GALNT7: variants seen among roughly 807,000 people sequenced by gnomAD.
The protein encoded by GALNT7 is polypeptide N-acetylgalactosaminyltransferase 7.
GALNT7 carries 60 observed loss-of-function variants against 82.1 expected under a neutral mutation model. That is an observed-to-expected ratio of 0.73 (90% CI 0.59 to 0.91). The LOEUF (loss-of-function observed/expected upper bound fraction) is 0.91, where lower values mean the gene tolerates loss of function less well. Ranked by LOEUF, GALNT7 falls within the 40% of genes least tolerant of loss-of-function variation. The pLI is 0.00. For missense variants in GALNT7, 660 were observed against 804.2 expected (o/e 0.82, Z 2.17); for synonymous variants, 243 against 275.1 (o/e 0.88, Z 1.15).
chr4:173,279,894 G>A (rs980680426), intron 2 of GALNT7, among the ~76,000 whole-genome samples: 1 of 152,030 alleles, frequency 6.6e-6, no homozygotes, highest in African/African-American at 2.4e-5. Context: ...AGAATCACTT[G>A]AACCCGGGTG....
rs570551666 is a variant in GALNT7, at chr4:173,208,720, C to G, written c.127-39260C>G. On this transcript the variant is annotated intron_variant, in intron 1 of 11. Coordinates refer to ENST00000265000, the MANE Select transcript of GALNT7 (RefSeq NM_017423.3). ...TTACAAGTTATCCTCCTTGTACCTCCGTCTTTTTATTTAAATGGTTCTCTA... is the reference window on the plus strand; with the variant it reads ...TTACAAGTTATCCTCCTTGTACCTCGGTCTTTTTATTTAAATGGTTCTCTA... Among the ~76,000 whole-genome samples, 115 of 152,224 alleles carry G rather than the reference C, an allele frequency of 7.6e-4. 1 individual carries two copies. Among genetic ancestry groups the G allele is most frequent in the African/African-American group, 2.7e-3 (111 of 41,526 alleles).
intron 1 of GALNT7, among the ~76,000 whole-genome samples, chr4:173,174,812 A>C (rs1334897254): frequency 1.3e-5 from 2 of 152,206 alleles, no homozygotes; most frequent in Non-Finnish European, 2.9e-5. Flanking sequence ...GAAGGCTTAA[A>C]ATGGCCTTTG....
chr4:173,204,747 A>T (rs1000428632), intron 1 of GALNT7, among the ~76,000 whole-genome samples: 1 of 152,166 alleles, frequency 6.6e-6, no homozygotes, highest in Non-Finnish European at 1.5e-5. Context: ...CTCTGCATTT[A>T]AGTTTCCTTA....
At chr4:173,216,786 A>G (rs1403890841) in intron 1 of GALNT7, among the ~76,000 whole-genome samples, 7 of 124,210 alleles carry the variant, frequency 5.6e-5, no homozygotes, top group Non-Finnish European at 3.2e-5. Flanking sequence ...GCTGGAGTGC[A>G]ATGGCGCAAT....
At chr4:173,205,720 G>C (rs1232571699) in intron 1 of GALNT7, among the ~76,000 whole-genome samples, 2 of 152,144 alleles carry the variant, frequency 1.3e-5, no homozygotes, top group African/African-American at 4.8e-5. Context: ...GGGCTGTGTA[G>C]GGCAATCTGG....
intron 1 of GALNT7, among the ~76,000 whole-genome samples, chr4:173,225,040 A>T (rs1411128169): frequency 6.7e-6 from 1 of 148,742 alleles, no homozygotes; most frequent in African/African-American, 2.5e-5. Flanking sequence ...TAATAATAAT[A>T]ATAATAATAA....
chr4:173,267,461 A>C (rs1180062522), intron 2 of GALNT7, among the ~76,000 whole-genome samples: 1 of 152,228 alleles, frequency 6.6e-6, no homozygotes, highest in Non-Finnish European at 1.5e-5. Context: ...ATTACCAGCC[A>C]GTGGCTTCTG....
rs1001585079 is a variant in GALNT7 at position 173,198,144 on chromosome 4, C to T, written c.126+29183C>T. Among the ~76,000 whole-genome samples, 17 of 151,930 alleles carry T rather than the reference C, an allele frequency of 1.1e-4. No homozygotes were observed. In the East Asian group the frequency reaches 1.7e-3, roughly 16 times the overall value. On this transcript the variant is annotated intron_variant, in intron 1 of 11. Coordinates refer to ENST00000265000, the MANE Select transcript of GALNT7 (RefSeq NM_017423.3). ...GTGTGATCTCGGTTCACTGCAAGCT[C>T]CACCTTCCGGGTTCACGCCATTCTC... is the stretch of plus-strand genomic sequence containing the variant.
chr4:173,310,728 A>T (rs1561199997), intron 8 of GALNT7, among the ~76,000 whole-genome samples: 1 of 151,760 alleles, frequency 6.6e-6, no homozygotes, highest in African/African-American at 2.4e-5. Context: ...TAATTTTTTT[A>T]TGTTGTTGTT....
chr4:173,290,325 T>C (rs1413799090), intron 2 of GALNT7, among the ~76,000 whole-genome samples: 1 of 152,214 alleles, frequency 6.6e-6, no homozygotes, highest in Non-Finnish European at 1.5e-5. Flanking sequence ...TTCATTCTTA[T>C]TAAAAGAATT....
intron 1 of GALNT7, among the ~76,000 whole-genome samples, chr4:173,207,647 C>G (rs1733142168): frequency 6.6e-6 from 1 of 152,100 alleles, no homozygotes; most frequent in African/African-American, 2.4e-5. Flanking sequence ...GTACTTTTCT[C>G]CCCTTTCTGG....
chr4:173,197,398 A>C (rs1467228985), intron 1 of GALNT7, among the ~76,000 whole-genome samples: 2 of 152,214 alleles, frequency 1.3e-5, no homozygotes, highest in African/African-American at 4.8e-5. Context: ...TATACACCCT[A>C]GAGTGGACTT....
chr4:173,317,391 T>C (rs1381163828), intron 9 of GALNT7: 2 of 316,954 alleles, frequency 6.3e-6, no homozygotes, highest in African/African-American at 4.4e-5. Context: ...TTCTCTGTGG[T>C]ATTTTACGGA....
chr4:173,222,781 T>C (rs563129749), intron 1 of GALNT7, among the ~76,000 whole-genome samples: 1 of 152,334 alleles, frequency 6.6e-6, no homozygotes, highest in Non-Finnish European at 1.5e-5. Context: ...ACAATGGGAT[T>C]TGTGACTCCC....
At chr4:173,249,712 A>G (rs1033642240) in intron 2 of GALNT7, among the ~76,000 whole-genome samples, 3 of 152,208 alleles carry the variant, frequency 2.0e-5, no homozygotes, top group African/African-American at 7.2e-5. Context: ...ATTGCATGGG[A>G]CATACTTAAA....
intron 2 of GALNT7, among the ~76,000 whole-genome samples, chr4:173,284,901 A>C (rs2126814700): frequency 6.6e-6 from 1 of 152,188 alleles, no homozygotes; most frequent in Non-Finnish European, 1.5e-5. Flanking sequence ...TTTTACATAC[A>C]TTTTTTTGTA....
At chr4:173,214,589 C>T (rs562217057) in intron 1 of GALNT7, among the ~76,000 whole-genome samples, 8 of 152,132 alleles carry the variant, frequency 5.3e-5, no homozygotes, top group African/African-American at 1.9e-4. Context: ...CTTAACAGAT[C>T]CAGATGAGCC....
At chr4:173,208,015 GT>G (rs367554993) in intron 1 of GALNT7, among the ~76,000 whole-genome samples, 7 of 151,832 alleles carry the variant, frequency 4.6e-5, no homozygotes, top group Admixed American at 2.0e-4. Flanking sequence ...TTGCCTGTTT[GT>G]TTTTTCCTGT....
chr4:173,234,021 C>T (rs947681637), intron 1 of GALNT7, among the ~76,000 whole-genome samples: 2 of 152,220 alleles, frequency 1.3e-5, no homozygotes, highest in Non-Finnish European at 2.9e-5. Context: ...ATTACCCTGC[C>T]AAAACAGCTG....
Sources: allele counts gnomAD v4.1 joint callset (sites outside exome capture counted in the v4.1 genomes callset), GRCh38; gene constraint gnomAD v4.1.1; transcripts MANE v1.5; gene names NCBI Gene and HGNC (gene_info 2026-07-23, HGNC 2026-07-21).